Variants in PLA2G6 observed in about 807,000 individuals in gnomAD.
The protein encoded by PLA2G6 is phospholipase A2 group VI.
In PLA2G6, 62 loss-of-function variants were observed where a neutral mutation model predicts 83.8. The ratio of observed to expected loss-of-function variants is 0.74; its 90% CI spans 0.60 to 0.91. The LOEUF is 0.91. Among genes scored for constraint, PLA2G6 ranks in the 40% least tolerant of loss-of-function variants. PLA2G6 has a pLI of 0.00. For synonymous variants in PLA2G6, 417 were observed against 449.8 expected (o/e 0.93, Z 0.92); for missense variants, 944 against 1,102.0 (o/e 0.86, Z 2.03).
Position 38,179,162 on chromosome 22 carries a change from G to A in PLA2G6, c.-46+2502C>T, listed in dbSNP as rs897083389. ...ATATGAATAGCTAGGCAAAGAGAGC[G>A]TGTGCAAAGGCCATGGGGCTGGAAC... On this transcript the variant is annotated intron_variant, in intron 1 of 16. Transcript: ENST00000332509. Among the ~76,000 whole-genome samples, 4 of 152,194 alleles carry A rather than the reference G, an allele frequency of 2.6e-5. No individual in the cohort carries two copies. The South Asian group carries it at 6.2e-4, about 24-fold the overall frequency.
intron 3 of PLA2G6, 195 bp downstream of exon 3, chr22:38,145,243 G>A (rs1020547777): frequency 3.0e-5 from 19 of 638,930 alleles, no homozygotes; most frequent in Middle Eastern, 4.1e-4. Flanking sequence ...TTGCCAGGCT[G>A]GTCTTGAACT....
chr22:38,135,748 G>A (rs1182643727), intron 5 of PLA2G6: 1 of 152,234 alleles, frequency 6.6e-6, no homozygotes, highest in Non-Finnish European at 1.5e-5. Context: ...TGTGCAAGGA[G>A]AAGACTTTAA....
intron 2 of PLA2G6, among the ~76,000 whole-genome samples, chr22:38,158,863 G>A (rs113054860): frequency 4.6e-5 from 7 of 152,130 alleles, no homozygotes; most frequent in Non-Finnish European, 1.0e-4. Flanking sequence ...GAGGTAATTC[G>A]ATCATCAGGG....
At chr22:38,170,629 C>CA (rs1446742971) in intron 1 of PLA2G6, among the ~76,000 whole-genome samples, 1 of 152,134 alleles carries the variant, frequency 6.6e-6, no homozygotes, top group African/African-American at 2.4e-5. Context: ...AAGGTACTGT[C>CA]ACCAAAGCCA....
Position 38,169,396 on chromosome 22 carries a change from A to C in PLA2G6, c.31T>G (p.Phe11Val). ...GAGAACAAGTTGGTGACGCCACTGAAGGTATTGACCAGGCGGCCAAAGAAC... is the reference window on the plus strand; with the variant it reads ...GAGAACAAGTTGGTGACGCCACTGACGGTATTGACCAGGCGGCCAAAGAAC... MQFFGRLVNTFSGVTNLFSNP... is the reference protein window; with the variant it reads MQFFGRLVNTVSGVTNLFSNP... The change falls in exon 2 of 17, where the codon TTC becomes GTC. Residue 11 changes from phenylalanine to valine, a missense_variant. Physicochemically the swap from Phe to Val is conservative, Grantham distance 50 (BLOSUM62 -1). Coordinates refer to ENST00000332509, the MANE Select transcript of PLA2G6 (RefSeq NM_003560.4). 6.2e-7 allele frequency: 1 copy of C among 1,614,198 alleles called. No homozygotes were observed. The highest frequency in any genetic ancestry group is 1.3e-5 in the African/African-American group (1 of 75,054).
intron 1 of PLA2G6, among the ~76,000 whole-genome samples, chr22:38,180,723 C>T (rs528572710): frequency 6.6e-6 from 1 of 152,278 alleles, no homozygotes; most frequent in East Asian, 1.9e-4. Flanking sequence ...GGTTATAAAG[C>T]TTTACCTTCT....
chr22:38,121,087 C>A (rs964278270), intron 11 of PLA2G6, 178 bp from the exon 12 acceptor site: 2 of 627,820 alleles, frequency 3.2e-6, no homozygotes, highest in Non-Finnish European at 5.5e-6. Flanking sequence ...CAGAGAGAAA[C>A]CTCCTTCCGG....
At chr22:38,148,207 A>G (rs184227553) in intron 2 of PLA2G6, 2 of 364,458 alleles carry the variant, frequency 5.5e-6, no homozygotes, top group East Asian at 7.6e-5. Context: ...AGTGGGTTTA[A>G]GGACACAATG....
intron 3 of PLA2G6, 37 bp from the exon 4 acceptor site, chr22:38,143,325 G>A: frequency 6.2e-7 from 1 of 1,600,764 alleles, no homozygotes; most frequent in Non-Finnish European, 8.5e-7. Context: ...AGGTGAGCAG[G>A]TGTGGTACAA....
At chr22:38,116,408 A>C (rs781096096) in intron 12 of PLA2G6, 197 bp from the exon 13 acceptor site, 1 of 732,136 alleles carries the variant, frequency 1.4e-6, no homozygotes, top group South Asian at 1.5e-5. Context: ...AGATTGGTCC[A>C]ACCTTGGGGG....
At position 38,181,784 on chromosome 22, in the gene PLA2G6, C is replaced by G. The variant is rs2090861921; in HGVS notation, c.-166G>C. The stretch of plus-strand genomic sequence containing the variant: ...CCCGCCCACCCGCGAGGTCACTCAC[C>G]TCGGCTTACTCAGCACTTCTACTTC... On this transcript the variant is annotated 5_prime_UTR_variant, in exon 1 of 17. Transcript: ENST00000332509. The G allele has an allele frequency of 6.6e-6, 1 of 152,298 alleles. No individual in the cohort carries two copies. The highest frequency in any genetic ancestry group is 1.9e-4 in the East Asian group (1 of 5,198). The allele number at this position is 152,298 out of a possible 1,614,324, so 9.4% of individuals were successfully genotyped here. A position where few individuals can be genotyped will look rare whatever the true frequency, so the allele number is the denominator to read the frequency against.
At chr22:38,113,237 G>C (rs1299983797) in intron 15 of PLA2G6, among the ~76,000 whole-genome samples, 1 of 152,276 alleles carries the variant, frequency 6.6e-6, no homozygotes. Context: ...CTTCTACACT[G>C]CGCTATGTTT....
At position 38,140,069 on chromosome 22, in the gene PLA2G6, C is replaced by T. The variant is rs147066967; in HGVS notation, c.710G>A (p.Arg237His). 188 of 1,613,852 alleles carry T rather than the reference C, an allele frequency of 1.2e-4. No individual in the cohort carries two copies. The highest frequency in any genetic ancestry group is 8.2e-4 in the Middle Eastern group (5 of 6,084). ...ACQLGKQEMV[R>H]VLLLCNARCN... ...CCGAGCATTGCACAGCAGCAGCACG[C>T]GGACCATCTCCTGCTTCCCCAGCTG... The change falls in exon 5 of 17, where the codon CGC (arginine) becomes CAC (histidine). Residue 237 changes from arginine to histidine, a missense_variant. Coordinates refer to ENST00000332509, the MANE Select transcript of PLA2G6 (RefSeq NM_003560.4).
At chr22:38,116,769 T>C (rs1425018104) in intron 12 of PLA2G6, among the ~76,000 whole-genome samples, 1 of 141,784 alleles carries the variant, frequency 7.1e-6, no homozygotes, top group African/African-American at 2.6e-5. Flanking sequence ...GAGAATTGCT[T>C]GAACCCAGGA....
rs763585194 is a variant in PLA2G6, at chr22:38,133,003, A to T, written c.905T>A (p.Met302Lys). Residue 302 changes from methionine to lysine, a missense_variant, in exon 7 of 17, where the codon ATG becomes AAG. Transcript: ENST00000332509. ...HWAKNAEMAR[M>K]LLKRGCNVNS... ...CACGTTGCAGCCCCGTTTCAGCAGC[A>T]TGCGGGCCATCTGCGGGAGACGGTC... is the stretch of plus-strand genomic sequence containing the variant. The T allele has an allele frequency of 6.4e-7, 1 of 1,564,262 alleles. No individual in the cohort carries two copies. The highest frequency in any genetic ancestry group is 8.7e-7 in the Non-Finnish European group (1 of 1,155,520).
At chr22:38,139,450 T>TA (rs1569270641) in intron 5 of PLA2G6, 24 of 150,930 alleles carry the variant, frequency 1.6e-4, no homozygotes, top group South Asian at 1.2e-3. Flanking sequence ...TTTATTTATT[T>TA]TTTGAGACAG....
At chr22:38,133,132 C>T (rs970556753) in intron 6 of PLA2G6, 119 bp from the exon 7 acceptor site, 5 of 992,756 alleles carry the variant, frequency 5.0e-6, no homozygotes, top group African/African-American at 3.2e-5. Flanking sequence ...TGTTGGAAAG[C>T]GCTAGCAAGA....
chr22:38,114,135 G>A (rs1281094528), intron 14 of PLA2G6, among the ~76,000 whole-genome samples: 1 of 152,054 alleles, frequency 6.6e-6, no homozygotes, highest in Non-Finnish European at 1.5e-5. Flanking sequence ...GGGCCACGTG[G>A]TAGGGAAGTA....
At chr22:38,158,472 C>T (rs1056749140) in intron 2 of PLA2G6, among the ~76,000 whole-genome samples, 5 of 152,318 alleles carry the variant, frequency 3.3e-5, no homozygotes, top group African/African-American at 1.2e-4. Context: ...CAACCCGCCA[C>T]GTCAAGATAT....
Sources: allele counts gnomAD v4.1 joint callset (sites outside exome capture counted in the v4.1 genomes callset), GRCh38; gene constraint gnomAD v4.1.1; transcripts MANE v1.5; gene names NCBI Gene and HGNC (gene_info 2026-07-23, HGNC 2026-07-21).